RHOBTB1: variants seen among roughly 807,000 people sequenced by gnomAD.
The protein encoded by RHOBTB1 is rho-related BTB domain-containing protein 1.
A neutral mutation model predicts 71.6 loss-of-function variants in RHOBTB1; 40 were observed. The observed-to-expected ratio is 0.56, with a 90% CI of 0.43 to 0.73. RHOBTB1 has a LOEUF of 0.73. Among genes scored for constraint, RHOBTB1 ranks in the 30% least tolerant of loss-of-function variants. The pLI is 0.00. For missense variants in RHOBTB1, 797 were observed against 894.0 expected (o/e 0.89, Z 1.38); for synonymous variants, 319 against 334.9 (o/e 0.95, Z 0.52).
At chr10:60,916,976 T>C (rs954273288) in intron 2 of RHOBTB1, among the ~76,000 whole-genome samples, 1 of 152,222 alleles carries the variant, frequency 6.6e-6, no homozygotes, top group Non-Finnish European at 1.5e-5. Context: ...CCAGGTAATG[T>C]ATGTGACCCA....
chr10:60,996,067 C>T (rs1431528468), intron 1 of RHOBTB1, among the ~76,000 whole-genome samples: 1 of 152,156 alleles, frequency 6.6e-6, no homozygotes. Flanking sequence ...GATGGGGACT[C>T]ACAGAAGTTG....
chr10:60,937,642 T>A (rs997262328), intron 2 of RHOBTB1, among the ~76,000 whole-genome samples: 7 of 152,132 alleles, frequency 4.6e-5, no homozygotes, highest in Non-Finnish European at 7.4e-5. Context: ...TCAATGCAAG[T>A]AAACTTTGGC....
In RHOBTB1 at chr10:60,888,236, A is replaced by C; in HGVS notation, c.1432T>G (p.Cys478Gly). 1 of 1,613,248 alleles carries C rather than the reference A, an allele frequency of 6.2e-7. No individual in the cohort carries two copies. The highest frequency in any genetic ancestry group is 8.5e-7 in the Non-Finnish European group (1 of 1,179,594). Residue 478 changes from cysteine to glycine, a missense_variant, in exon 6 of 11, where the codon TGT (cysteine) becomes GGT (glycine). This residue lies in a region of RHOBTB1 where 658 missense variants were observed against 681.5 expected (regional missense o/e 0.97). Coordinates refer to ENST00000337910, the MANE Select transcript of RHOBTB1 (RefSeq NM_014836.5). ...CCCGAGAACGTTCCCTTGCTGAGAC[A>C]CTCTTTTATCCGATTGGCTTTCCTT... ...HVRKANRIKE[C>G]LSKGTFSDVT...
intron 2 of RHOBTB1, among the ~76,000 whole-genome samples, chr10:60,914,887 G>C (rs754742920): frequency 6.6e-6 from 1 of 152,188 alleles, no homozygotes; most frequent in Non-Finnish European, 1.5e-5. Flanking sequence ...ACTGCCAAAG[G>C]TGCTGACCCT....
rs75835580 is a variant in RHOBTB1, at chr10:60,908,972, A to C, written c.296+1915T>G. Among the ~76,000 whole-genome samples the C allele has an allele frequency of 2.6e-5, 4 of 152,314 alleles. No individual in the cohort carries two copies. The East Asian group carries it at 7.7e-4, about 29-fold the overall frequency. The stretch of plus-strand genomic sequence containing the variant: ...GGGGAGCACTTCCTGTTTCTATCAA[A>C]GGGATAATGGGTTACAGTTGACAGA... On this transcript the variant is annotated intron_variant, in intron 4 of 10. Transcript: ENST00000337910.
intron 2 of RHOBTB1, among the ~76,000 whole-genome samples, chr10:60,920,040 T>C (rs904266798): frequency 2.0e-5 from 3 of 152,252 alleles, no homozygotes; most frequent in Non-Finnish European, 2.9e-5. Flanking sequence ...CACATGGGTC[T>C]ACTTTCTTCT....
At chr10:60,866,812 C>T (rs1274822498), downstream of RHOBTB1, among the ~76,000 whole-genome samples, 1 of 147,956 alleles carries the variant, frequency 6.8e-6, no homozygotes, top group African/African-American at 2.6e-5. Context: ...ATTTACTTTA[C>T]CATAGCTCCT....
At chr10:60,955,043 C>CTTTTTTTTTTTTTTTTTT (rs34012455) in intron 2 of RHOBTB1, among the ~76,000 whole-genome samples, 5 of 112,816 alleles carry the variant, frequency 4.4e-5, no homozygotes, top group East Asian at 2.9e-4. Context: ...TTCTTTCTTT[C>CTTTTTTTTTTTTTTTTTT]TTTTTTTTTT....
chr10:60,991,726 C>G (rs757850981), intron 1 of RHOBTB1, among the ~76,000 whole-genome samples: 11 of 152,078 alleles, frequency 7.2e-5, no homozygotes, highest in African/African-American at 2.7e-4. Flanking sequence ...CCACCGCACC[C>G]GACCTTCCCT....
intron 1 of RHOBTB1, among the ~76,000 whole-genome samples, chr10:60,999,446 A>G (rs2087179532): frequency 6.6e-6 from 1 of 152,244 alleles, no homozygotes. Context: ...GGATGTCGGT[A>G]AACAGAAGAA....
chr10:60,985,008 G>T (rs1255103254), intron 2 of RHOBTB1, among the ~76,000 whole-genome samples: 1 of 152,140 alleles, frequency 6.6e-6, no homozygotes, highest in Non-Finnish European at 1.5e-5. Context: ...TGTAGTTAAA[G>T]ATAATAAAAG....
intron 7 of RHOBTB1, among the ~76,000 whole-genome samples, chr10:60,885,728 C>T (rs1463989498): frequency 2.0e-5 from 3 of 152,156 alleles, no homozygotes; most frequent in African/African-American, 7.2e-5. Flanking sequence ...TTCTGAACTA[C>T]TGGGAGACAT....
At chr10:60,947,437 C>G (rs1213112107), upstream of RHOBTB1, among the ~76,000 whole-genome samples, 1 of 152,188 alleles carries the variant, frequency 6.6e-6, no homozygotes, top group East Asian at 1.9e-4. Flanking sequence ...AATTGTTCCA[C>G]TATCACAAAA....
intron 2 of RHOBTB1, among the ~76,000 whole-genome samples, chr10:60,979,083 C>T (rs532758848): frequency 2.6e-5 from 4 of 152,178 alleles, no homozygotes; most frequent in African/African-American, 7.2e-5. Context: ...GGTATTTTCT[C>T]GAACCAGGTT....
downstream of RHOBTB1, among the ~76,000 whole-genome samples, chr10:60,868,242 C>T (rs996281851): frequency 6.6e-6 from 1 of 152,144 alleles, no homozygotes; most frequent in African/African-American, 2.4e-5. Flanking sequence ...TAACATCCAA[C>T]TAGGAGATCT....
intron 2 of RHOBTB1, among the ~76,000 whole-genome samples, chr10:60,973,654 C>G (rs541443035): frequency 1.6e-4 from 25 of 152,048 alleles, no homozygotes; most frequent in African/African-American, 5.1e-4. Flanking sequence ...TAGGAGAAAC[C>G]TGGTGGCCTG....
chr10:60,865,024 T>A (rs2080630786), downstream of RHOBTB1, among the ~76,000 whole-genome samples: 1 of 152,126 alleles, frequency 6.6e-6, no homozygotes, highest in Non-Finnish European at 1.5e-5. Context: ...CTCAGGTGTA[T>A]AAAGAGAAGT....
chr10:60,889,515 A>G (rs1410455885), intron 5 of RHOBTB1, among the ~76,000 whole-genome samples: 1 of 152,136 alleles, frequency 6.6e-6, no homozygotes, highest in Non-Finnish European at 1.5e-5. Flanking sequence ...TATAAATAAA[A>G]TTGATTTTTG....
At chr10:60,861,790 A>T in the RHOBTB1 span, among the ~76,000 whole-genome samples, 1 of 152,208 alleles carries the variant, frequency 6.6e-6, no homozygotes, top group African/African-American at 2.4e-5. Flanking sequence ...ACGTAAAAAG[A>T]TACCCACTAA....
Sources: gnomAD v4.1 joint callset for allele counts (sites outside exome capture counted in the v4.1 genomes callset) on GRCh38, gnomAD v4.1.1 for gene constraint, gnomAD v4.1.1 regional missense constraint, MANE v1.5 for transcripts, NCBI Gene and HGNC (gene_info 2026-07-23, HGNC 2026-07-21) for gene names.